The following SOHLH1 variants were observed in gnomAD, a reference collection of about 807,000 sequenced individuals.
The protein encoded by SOHLH1 is spermatogenesis- and oogenesis-specific basic helix-loop-helix-containing protein 1.
In SOHLH1, 23 loss-of-function variants were observed where a neutral mutation model predicts 36.2. That is an observed-to-expected ratio of 0.64 (90% confidence interval 0.46 to 0.90). The LOEUF is 0.90. Ranked by LOEUF, SOHLH1 falls within the 40% of genes least tolerant of loss-of-function variation. The pLI is 0.00. For synonymous variants in SOHLH1, 289 were observed against 228.3 expected, an observed-to-expected ratio of 1.27 and a Z score of -2.40; for missense variants, 608 against 517.0, an observed-to-expected ratio of 1.18 and a Z score of -1.71.
At position 135,693,774 on chromosome 9, in the gene SOHLH1, G is replaced by C; in HGVS notation, c.987C>G (p.Ala329=). Residue 329 remains alanine (A), a synonymous_variant, in exon 8 of 8, where the codon GCC becomes GCG. Coordinates refer to ENST00000425225, the MANE Select transcript of SOHLH1 (RefSeq NM_001101677.2). ...CATCCAGTGGACTGCTCTCAGCTGG[G>C]GCCCATGCAGGGCCACTGCCTCCTC... ...EGRGGSGPAW[A]PAESSPLDVG... 1 of 1,581,586 alleles carries C rather than the reference G, an allele frequency of 6.3e-7. No individual in the cohort carries two copies. Among genetic ancestry groups the C allele is most frequent in the Non-Finnish European group, 8.6e-7 (1 of 1,164,530 alleles).
At chr9:135,695,605 C>A (rs1431803528) in intron 5 of SOHLH1, among the ~76,000 whole-genome samples, 1 of 152,268 alleles carries the variant, frequency 6.6e-6, no homozygotes, top group Admixed American at 6.5e-5. Context: ...GCTCGCTCCC[C>A]ACGTGCCTGG....
chr9:135,699,593 C>G (rs1412091384), upstream of SOHLH1: 3 of 1,016,078 alleles, frequency 3.0e-6, no homozygotes, highest in Non-Finnish European at 1.5e-6. Context: ...CACTTGCAAT[C>G]CGCCCCCATA....
In SOHLH1 at chr9:135,696,767, G is replaced by A. The variant is rs1287466752; in HGVS notation, c.506C>T (p.Ser169Phe). 6.2e-7 allele frequency: 1 copy of A among 1,613,126 alleles called. No individual in the cohort carries two copies. The highest frequency in any genetic ancestry group is 1.1e-5 in the South Asian group (1 of 91,076). ...TGGGCTGGCCGACGCTGGATCCAGG[G>A]ACCAAGGACTTTCCAGAAACGCCTT... ...DVKAFLESPW[S>F]LDPASASPEP... is the part of the protein sequence containing the mutation. The change falls in exon 5 of 8, where the codon TCC (serine) becomes TTC (phenylalanine). Residue 169 changes from serine to phenylalanine, a missense_variant. Physicochemically the swap from Ser to Phe is radical, Grantham distance 155. Transcript: ENST00000425225.
At chr9:135,702,040 C>T (rs901884631), upstream of SOHLH1, 2 of 452,008 alleles carry the variant, frequency 4.4e-6, no homozygotes, top group African/African-American at 2.4e-5. Flanking sequence ...CCCTCCCTAC[C>T]CCGCACCCCC....
chr9:135,693,780 T>G lies in SOHLH1; in HGVS notation c.981A>C (p.Ala327=). Residue 327 remains alanine (A), a synonymous_variant, in exon 8 of 8, where the codon GCA becomes GCC. Coordinates refer to ENST00000425225, the MANE Select transcript of SOHLH1 (RefSeq NM_001101677.2). ...GTGGACTGCTCTCAGCTGGGGCCCA[T>G]GCAGGGCCACTGCCTCCTCGACCCT... is the stretch of plus-strand genomic sequence containing the variant. ...SLEGRGGSGP[A]WAPAESSPLD... is the part of the protein sequence containing the mutation. 3 of 1,581,228 alleles carry G rather than the reference T, an allele frequency of 1.9e-6. No homozygotes were observed. Among genetic ancestry groups the G allele is most frequent in the Admixed American group, 1.8e-5 (1 of 56,066 alleles).
At chr9:135,694,764 T>C (rs1011421836) in intron 6 of SOHLH1, among the ~76,000 whole-genome samples, 1 of 134,212 alleles carries the variant, frequency 7.5e-6, no homozygotes, top group African/African-American at 2.7e-5. Flanking sequence ...CCCCAGCTGG[T>C]ATGTGCTCAC....
At chr9:135,702,050 C>CG (rs1835051288), upstream of SOHLH1, 5 of 526,368 alleles carry the variant, frequency 9.5e-6, no homozygotes, top group South Asian at 1.2e-4. Flanking sequence ...CCCGCACCCC[C>CG]GTCCCAGCCT....
rs1399682642 is a variant in SOHLH1, at chr9:135,693,436, C to G, written c.*161G>C. 6 of 1,046,084 alleles carry G rather than the reference C, an allele frequency of 5.7e-6. No individual in the cohort carries two copies. The highest frequency in any genetic ancestry group is 3.0e-5 in the Admixed American group (1 of 33,438). The allele number at this position is 1,046,084 out of a possible 1,614,324, so 64.8% of individuals were successfully genotyped here. On this transcript the variant is annotated 3_prime_UTR_variant, in exon 8 of 8. Coordinates refer to ENST00000425225, the MANE Select transcript of SOHLH1 (RefSeq NM_001101677.2). ...GCTTCCTCCAGGAAAACTGCTTTCC[C>G]TCTTTAATATTCACTATCCTCTTCT...
At position 135,693,729 on chromosome 9, in the gene SOHLH1, TAGGA is replaced by T; in HGVS notation, c.1028_1031del (p.Phe343Ter). On this transcript the variant is annotated frameshift_variant, in exon 8 of 8. Transcript: ENST00000425225. LOFTEE classifies it low-confidence loss of function (END_TRUNC). ...CCTGGGAGCCAAGCTCAGGGTCCCCTAGGAAGCCTGGCTCTCCAACATCCAGTGG... is the reference window on the plus strand; with the variant it reads ...CCTGGGAGCCAAGCTCAGGGTCCCCTAGCCTGGCTCTCCAACATCCAGTGG... 1 of 1,574,214 alleles carries T rather than the reference TAGGA, an allele frequency of 6.4e-7. No homozygotes were observed. Among genetic ancestry groups the T allele is most frequent in the Non-Finnish European group, 8.6e-7 (1 of 1,160,738 alleles).
In SOHLH1 at chr9:135,693,668, C is replaced by G. The variant is rs942896286; in HGVS notation, c.1093G>C (p.Asp365His). The change falls in exon 8 of 8, where the codon GAT (aspartate) becomes CAT (histidine). Residue 365 changes from aspartate to histidine, a missense_variant. By Grantham distance (81) the Asp-to-His change is moderately conservative (BLOSUM62 -1). Transcript: ENST00000425225. ...AGGGCCAGGCCTGCACAGTCCACAT[C>G]CAGGCCCCACGGCTCCAGAGGGCTG... Reference protein sequence around the residue: ...QDSPLEPWGLDVDCAGLALKD... With the variant: ...QDSPLEPWGLHVDCAGLALKD... 2.5e-6 allele frequency: 4 copies of G among 1,586,290 alleles called. No individual in the cohort carries two copies. In the East Asian group the frequency reaches 9.3e-5, roughly 37 times the overall value.
At chr9:135,698,518 C>A in intron 2 of SOHLH1, 42 bp from the exon 3 acceptor site, 1 of 1,612,702 alleles carries the variant, frequency 6.2e-7, no homozygotes, top group Non-Finnish European at 8.5e-7. Context: ...GCCCTCCTGC[C>A]CTCCCCGAGA....
At position 135,696,746 on chromosome 9, in the gene SOHLH1, C is replaced by G. The variant is rs1259621000; in HGVS notation, c.527G>C (p.Ser176Thr). 1.2e-6 allele frequency: 2 copies of G among 1,613,132 alleles called. No homozygotes were observed. Among genetic ancestry groups the G allele is most frequent in the South Asian group, 1.1e-5 (1 of 91,090 alleles). Residue 176 changes from serine to threonine, a missense_variant, in exon 5 of 8, where the codon AGC becomes ACC. By Grantham distance (58) the Ser-to-Thr change is moderately conservative. Transcript: ENST00000425225. ...AAGGATGTGCGGCACGGGCTCTGGG[C>G]TGGCCGACGCTGGATCCAGGGACCA... ...SPWSLDPASA[S>T]PEPVPHILAS...
chr9:135,696,422 A>C (rs575513803), intron 5 of SOHLH1, among the ~76,000 whole-genome samples, 190 bp downstream of exon 5: 12 of 151,978 alleles, frequency 7.9e-5, no homozygotes, highest in Non-Finnish European at 4.4e-5. Flanking sequence ...CCTCCTTTTC[A>C]CAAAAGCAGG....
intron 5 of SOHLH1, among the ~76,000 whole-genome samples, chr9:135,695,477 A>T (rs1231418683): frequency 6.6e-6 from 1 of 152,032 alleles, no homozygotes; most frequent in Non-Finnish European, 1.5e-5. Flanking sequence ...TGGGGTGCCC[A>T]ACACCTGGGG....
At chr9:135,698,859 G>T in intron 2 of SOHLH1, 136 bp downstream of exon 2, 1 of 1,247,994 alleles carries the variant, frequency 8.0e-7, no homozygotes, top group African/African-American at 1.5e-5. Context: ...ACTTGGAGAT[G>T]TGCAGTCTGT....
Position 135,693,698 on chromosome 9 carries a change from G to A in SOHLH1, c.1063C>T (p.Gln355Ter). The A allele has an allele frequency of 6.3e-7, 1 of 1,574,996 alleles. No individual in the cohort carries two copies. Among genetic ancestry groups the A allele is most frequent in the Non-Finnish European group, 8.6e-7 (1 of 1,161,084 alleles). Residue 355 changes from glutamine (Q) to a stop codon, truncating the protein, a stop_gained, in exon 8 of 8, where the codon CAG (glutamine) becomes TAG (stop). Transcript: ENST00000425225. LOFTEE classifies it low-confidence loss of function (END_TRUNC). ...CCCCACGGCTCCAGAGGGCTGTCCT[G>A]GAGCTCCTGGGAGCCAAGCTCAGGG... ...GDPELGSQEL[Q>*]DSPLEPWGLD...
At chr9:135,694,008 C>A in intron 7 of SOHLH1, 194 bp from the exon 8 acceptor site, 1 of 1,428,170 alleles carries the variant, frequency 7.0e-7, no homozygotes, top group Non-Finnish European at 9.1e-7. Context: ...TGGACCAGAA[C>A]CAGGAACGGG....
chr9:135,699,497 G>T (rs897705765), upstream of SOHLH1: 1 of 1,605,136 alleles, frequency 6.2e-7, no homozygotes, highest in South Asian at 1.1e-5. Context: ...GACCCCACGC[G>T]CACGGCCCCT....
At chr9:135,695,419 G>A (rs1834752469) in intron 5 of SOHLH1, among the ~76,000 whole-genome samples, 156 bp from the exon 6 acceptor site, 2 of 152,126 alleles carry the variant, frequency 1.3e-5, no homozygotes, top group Non-Finnish European at 2.9e-5. Context: ...AGGAAGCTCA[G>A]AAGCGGGTGG....
Sources: gnomAD v4.1 joint callset for allele counts (sites outside exome capture counted in the v4.1 genomes callset) on GRCh38, gnomAD v4.1.1 for gene constraint, MANE v1.5 for transcripts, NCBI Gene and HGNC (gene_info 2026-07-23, HGNC 2026-07-21) for gene names.